Variants in BCHE observed in about 807,000 individuals in gnomAD.
BCHE encodes butyrylcholinesterase, also known as cholinesterase.
A neutral mutation model predicts 51.3 loss-of-function variants in BCHE; 48 were observed. The observed-to-expected ratio is 0.94, with a 90% CI of 0.74 to 1.19. BCHE has a LOEUF of 1.19. Among genes scored for constraint, BCHE ranks in the 50% most tolerant of loss-of-function variants. The pLI, the probability that BCHE is intolerant of heterozygous loss-of-function variation, is 0.00. For missense variants in BCHE, 847 were observed against 708.2 expected, an observed-to-expected ratio of 1.20 and a Z score of -2.23; for synonymous variants, 251 against 238.0, an observed-to-expected ratio of 1.05 and a Z score of -0.50.
At chr3:165,776,746 G>A (rs1712487079) in intron 3 of BCHE, among the ~76,000 whole-genome samples, 1 of 151,566 alleles carries the variant, frequency 6.6e-6, no homozygotes, top group South Asian at 2.1e-4. Context: ...ATATATTATG[G>A]TTTTAATTAT....
intron 2 of BCHE, among the ~76,000 whole-genome samples, chr3:165,791,299 G>C (rs186019720): frequency 1.3e-5 from 2 of 151,764 alleles, no homozygotes; most frequent in African/African-American, 4.8e-5. Flanking sequence ...CATCTTGGGG[G>C]GCGGGCGGGA....
intron 2 of BCHE, among the ~76,000 whole-genome samples, chr3:165,816,848 C>T (rs1714331002): frequency 6.6e-6 from 1 of 151,896 alleles, no homozygotes. Flanking sequence ...TATCTAAAAC[C>T]TCCGTAAGTG....
chr3:165,790,840 AG>A (rs11293617), intron 2 of BCHE, among the ~76,000 whole-genome samples: 78,147 of 151,954 alleles, frequency 0.51, 23,641 homozygotes, highest in East Asian at 0.66. Flanking sequence ...AGGAAAGCAA[AG>A]GGGACAGTGT....
intron 2 of BCHE, among the ~76,000 whole-genome samples, chr3:165,814,276 TC>T (rs1339727990): frequency 4.6e-5 from 7 of 152,122 alleles, no homozygotes; most frequent in African/African-American, 1.7e-4. Flanking sequence ...TTAATATGAT[TC>T]AAAATTTTTA....
In BCHE at chr3:165,830,552, A is replaced by T. The variant is rs1470769835; in HGVS notation, c.482T>A (p.Leu161Gln). The T allele has an allele frequency of 1.2e-6, 2 of 1,613,900 alleles. No homozygotes were observed. The highest frequency in any genetic ancestry group is 1.7e-6 in the Non-Finnish European group (2 of 1,179,958). Residue 161 changes from leucine (L) to glutamine (Q), a missense_variant, in exon 2 of 4, where the codon CTG becomes CAG. Transcript: ENST00000264381. ...TACAATAACTCTTTCAACCCGAGCC[A>T]GAAACTTGCCATCATAAACATGTAA... ...SSLHVYDGKFLARVERVIVVS... is the reference protein window; with the variant it reads ...SSLHVYDGKFQARVERVIVVS...
At chr3:165,788,609 A>C (rs1713051301) in intron 2 of BCHE, among the ~76,000 whole-genome samples, 1 of 152,086 alleles carries the variant, frequency 6.6e-6, no homozygotes, top group African/African-American at 2.4e-5. Flanking sequence ...TCAGTACAGC[A>C]ATTCTTATGT....
chr3:165,837,123 A>G (rs1292692394), intron 1 of BCHE, among the ~76,000 whole-genome samples, 191 bp downstream of exon 1: 1 of 152,146 alleles, frequency 6.6e-6, no homozygotes. Flanking sequence ...GCGTTCCCTG[A>G]ATAATAGGAA....
At chr3:165,801,987 G>T (rs1029039507) in intron 2 of BCHE, among the ~76,000 whole-genome samples, 5 of 152,022 alleles carry the variant, frequency 3.3e-5, no homozygotes, top group African/African-American at 1.2e-4. Context: ...TATTTTGCAG[G>T]ACCACACTAT....
chr3:165,820,108 AT>A (rs1560018580), intron 2 of BCHE, among the ~76,000 whole-genome samples: 1 of 152,106 alleles, frequency 6.6e-6, no homozygotes, highest in African/African-American at 2.4e-5. Flanking sequence ...TACTGAGTGC[AT>A]TAGTTTTTTT....
intron 2 of BCHE, among the ~76,000 whole-genome samples, chr3:165,789,061 A>C (rs1400375473): frequency 2.0e-5 from 3 of 152,182 alleles, no homozygotes; most frequent in Non-Finnish European, 4.4e-5. Flanking sequence ...AAATTATAAC[A>C]TAAATTTAAA....
At chr3:165,790,673 A>C (rs555153505) in intron 2 of BCHE, among the ~76,000 whole-genome samples, 17 of 152,308 alleles carry the variant, frequency 1.1e-4, no homozygotes, top group African/African-American at 4.1e-4. Context: ...GACTTTCTCT[A>C]ACTCTGGGTA....
intron 3 of BCHE, among the ~76,000 whole-genome samples, chr3:165,774,055 G>A (rs1712360503): frequency 6.6e-6 from 1 of 151,970 alleles, no homozygotes; most frequent in South Asian, 2.1e-4. Context: ...CATAAGCCAT[G>A]CACATCCCTA....
Position 165,773,517 on chromosome 3 carries a change from T to C in BCHE, c.1685-11A>G. 1 of 1,600,956 alleles carries C rather than the reference T, an allele frequency of 6.2e-7. No individual in the cohort carries two copies. Among genetic ancestry groups the C allele is most frequent in the Non-Finnish European group, 8.6e-7 (1 of 1,169,406 alleles). On this transcript the variant is annotated splice_polypyrimidine_tract_variant and intron_variant, in intron 3 of 3. Transcript: ENST00000264381. ...CTTCATCAATATTTCCTGTAAAATA[T>C]GGAATAAGTTGTATTAATCAAAATT...
At chr3:165,773,897 G>A (rs1297785548) in intron 3 of BCHE, among the ~76,000 whole-genome samples, 1 of 151,810 alleles carries the variant, frequency 6.6e-6, no homozygotes, top group African/African-American at 2.4e-5. Flanking sequence ...TACATATATA[G>A]TTATATAACA....
rs776972298 is a variant in BCHE, at chr3:165,829,746, C to A, written c.1288G>T (p.Ala430Ser). 1.2e-6 allele frequency: 2 copies of A among 1,613,862 alleles called. No individual in the cohort carries two copies. Among genetic ancestry groups the A allele is most frequent in the Non-Finnish European group, 1.7e-6 (2 of 1,179,900 alleles). Residue 430 changes from alanine to serine, a missense_variant, in exon 2 of 4, where the codon GCC (alanine) becomes TCC (serine). By Grantham distance (99) the Ala-to-Ser change is moderately conservative. Transcript: ENST00000264381. ...GAGAACTTCTTGGTGAACTCCAAGG[C>A]AGGGCATATGAAATTATAATCCCCA... ...VVGDYNFICPALEFTKKFSEW... is the reference protein window; with the variant it reads ...VVGDYNFICPSLEFTKKFSEW...
At chr3:165,835,104 A>G (rs1220526731) in intron 1 of BCHE, among the ~76,000 whole-genome samples, 5 of 151,870 alleles carry the variant, frequency 3.3e-5, no homozygotes, top group Admixed American at 1.3e-4. Flanking sequence ...TGAGGAACTG[A>G]GTTTTTGTTT....
At chr3:165,809,843 A>G (rs1313669163) in intron 2 of BCHE, among the ~76,000 whole-genome samples, 1 of 152,170 alleles carries the variant, frequency 6.6e-6, no homozygotes, top group African/African-American at 2.4e-5. Flanking sequence ...TGTCTAGTAC[A>G]TCATTGTCTT....
chr3:165,780,937 T>C (rs890383106), intron 3 of BCHE, among the ~76,000 whole-genome samples: 7 of 152,140 alleles, frequency 4.6e-5, no homozygotes, highest in Non-Finnish European at 7.4e-5. Flanking sequence ...ATATAAATTA[T>C]GCAACTATAA....
chr3:165,805,575 G>T (rs957314292), intron 2 of BCHE, among the ~76,000 whole-genome samples: 2 of 152,160 alleles, frequency 1.3e-5, no homozygotes, highest in African/African-American at 4.8e-5. Flanking sequence ...CACGTAGGCA[G>T]ATGGAAAGAC....
Sources: gnomAD v4.1 joint callset for allele counts (sites outside exome capture counted in the v4.1 genomes callset) on GRCh38, gnomAD v4.1.1 for gene constraint, MANE v1.5 for transcripts, NCBI Gene and HGNC (gene_info 2026-07-23, HGNC 2026-07-21) for gene names.